KLHL32: variants seen among roughly 807,000 people sequenced by gnomAD.
KLHL32 encodes kelch like family member 32.
A neutral mutation model predicts 64.8 loss-of-function variants in KLHL32; 35 were observed. The ratio of observed to expected loss-of-function variants is 0.54; its 90% CI spans 0.41 to 0.72. The LOEUF is 0.72. Ranked by LOEUF, KLHL32 falls within the 30% of genes least tolerant of loss-of-function variation. The pLI is 0.00. For missense variants in KLHL32, 589 were observed against 768.5 expected (o/e 0.77, Z 2.76); for synonymous variants, 259 against 281.0 (o/e 0.92, Z 0.78).
chr6:97,022,556 G>A (rs189450006), intron 3 of KLHL32, among the ~76,000 whole-genome samples: 5 of 147,766 alleles, frequency 3.4e-5, no homozygotes, highest in African/African-American at 5.2e-5. Context: ...TGCAATCTCC[G>A]TCTCCCAGGT....
the KLHL32 span, among the ~76,000 whole-genome samples, chr6:96,904,277 G>A: frequency 1.3e-5 from 2 of 150,550 alleles, 1 homozygote; most frequent in Admixed American, 1.3e-4. Context: ...AGGAGGCGGA[G>A]GTTGCAGTGA....
intron 5 of KLHL32, among the ~76,000 whole-genome samples, chr6:97,080,332 A>G (rs1421789021): frequency 3.9e-5 from 6 of 152,226 alleles, no homozygotes; most frequent in African/African-American, 1.4e-4. Flanking sequence ...TTGGATAGGC[A>G]TATTGGAAAG....
chr6:97,058,543 G>A (rs1788375163), intron 4 of KLHL32, among the ~76,000 whole-genome samples: 1 of 152,102 alleles, frequency 6.6e-6, no homozygotes, highest in Non-Finnish European at 1.5e-5. Flanking sequence ...TTGGGACTAT[G>A]GTGCATCTAG....
intron 3 of KLHL32, among the ~76,000 whole-genome samples, chr6:97,003,626 T>G (rs1428405209): frequency 6.6e-6 from 1 of 152,180 alleles, no homozygotes; most frequent in South Asian, 2.1e-4. Flanking sequence ...GAGTTTTAGG[T>G]TTTGCATTTA....
intron 9 of KLHL32, among the ~76,000 whole-genome samples, chr6:97,131,293 A>T (rs994774538): frequency 1.3e-5 from 2 of 152,132 alleles, no homozygotes; most frequent in Admixed American, 6.6e-5. Flanking sequence ...TTACAGAAGG[A>T]ATTTATTGTT....
chr6:97,091,152 T>A (rs1794163276), intron 6 of KLHL32, among the ~76,000 whole-genome samples: 1 of 152,176 alleles, frequency 6.6e-6, no homozygotes, highest in South Asian at 2.1e-4. Flanking sequence ...GAGGCTGCAG[T>A]GTGCCGTGAT....
chr6:97,008,045 CCTG>C (rs3032643), intron 3 of KLHL32, among the ~76,000 whole-genome samples: 37,095 of 151,902 alleles, frequency 0.24, 5,815 homozygotes, highest in East Asian at 0.53. Context: ...CAGTGGCATT[CCTG>C]CTGCACCTCC....
intron 8 of KLHL32, 64 bp downstream of exon 8, chr6:97,127,526 T>A: frequency 7.5e-7 from 1 of 1,329,694 alleles, no homozygotes; most frequent in Non-Finnish European, 1.1e-6. Context: ...TCCAGAGTAA[T>A]TAGTAATTGG....
intron 3 of KLHL32, among the ~76,000 whole-genome samples, chr6:96,998,368 A>G (rs760230756): frequency 2.6e-5 from 4 of 152,184 alleles, no homozygotes; most frequent in Non-Finnish European, 5.9e-5. Context: ...TCTGATTAAA[A>G]CAGTTCTCAA....
At chr6:97,122,001 G>C (rs948249143) in intron 7 of KLHL32, among the ~76,000 whole-genome samples, 2 of 152,116 alleles carry the variant, frequency 1.3e-5, no homozygotes, top group African/African-American at 2.4e-5. Context: ...TTGGAGGCAG[G>C]ATTTCAACTT....
In KLHL32 at chr6:96,956,733, A is replaced by T. The variant is rs141010099; in HGVS notation, c.-65-10263A>T. Among the ~76,000 whole-genome samples, 171 of 152,324 alleles carry T rather than the reference A, an allele frequency of 1.1e-3. 1 individual carries two copies. The highest frequency in any genetic ancestry group is 4.0e-3 in the African/African-American group (165 of 41,590). On this transcript the variant is annotated intron_variant, in intron 1 of 10. Transcript: ENST00000369261. ...CCTTTTTCTTCTGGGAAAAAAGCTC[A>T]TTTAATTCTTATAATGTTCGATTGT...
chr6:96,984,693 AC>A (rs528186768), intron 3 of KLHL32, among the ~76,000 whole-genome samples: 1,682 of 148,344 alleles, frequency 0.011, 41 homozygotes, highest in African/African-American at 0.04. Flanking sequence ...TAGGATTGCA[AC>A]CCCTGCCTTT....
intron 3 of KLHL32, among the ~76,000 whole-genome samples, chr6:96,983,391 T>C (rs1401963509): frequency 6.6e-6 from 1 of 152,304 alleles, no homozygotes; most frequent in Admixed American, 6.5e-5. Flanking sequence ...GATGCTGGCC[T>C]CATAAAACGA....
chr6:97,065,628 A>G (rs1466610867), intron 5 of KLHL32, among the ~76,000 whole-genome samples: 1 of 152,232 alleles, frequency 6.6e-6, no homozygotes, highest in African/African-American at 2.4e-5. Flanking sequence ...TTGAAGAAAT[A>G]ATAAATTCAT....
At chr6:96,997,406 T>C (rs766064576) in intron 3 of KLHL32, among the ~76,000 whole-genome samples, 6 of 152,132 alleles carry the variant, frequency 3.9e-5, no homozygotes, top group Non-Finnish European at 5.9e-5. Flanking sequence ...TATGTATGCA[T>C]TGGTTAAGAC....
the KLHL32 span, among the ~76,000 whole-genome samples, chr6:96,908,689 T>A: frequency 7.2e-5 from 11 of 152,280 alleles, no homozygotes; most frequent in Admixed American, 4.6e-4. Flanking sequence ...TTAGACATCA[T>A]CTAGGATAAT....
intron 1 of KLHL32, among the ~76,000 whole-genome samples, chr6:96,953,711 T>G (rs781057463): frequency 2.2e-4 from 34 of 152,160 alleles, no homozygotes; most frequent in Non-Finnish European, 4.3e-4. Context: ...CATCCCTCCA[T>G]TCTCTCAATT....
chr6:97,034,259 G>A (rs1340976454), intron 3 of KLHL32, among the ~76,000 whole-genome samples: 9 of 152,000 alleles, frequency 5.9e-5, no homozygotes, highest in Non-Finnish European at 8.8e-5. Context: ...TTCCTGCACC[G>A]TATATTGAAA....
chr6:97,080,106 G>C (rs1293154481), intron 5 of KLHL32, among the ~76,000 whole-genome samples: 12 of 152,132 alleles, frequency 7.9e-5, no homozygotes, highest in Non-Finnish European at 1.6e-4. Context: ...AGAAATTTGG[G>C]GTGGATTGAT....
Sources: gnomAD v4.1 joint callset for allele counts (sites outside exome capture counted in the v4.1 genomes callset) on GRCh38, gnomAD v4.1.1 for gene constraint, MANE v1.5 for transcripts, NCBI Gene and HGNC (gene_info 2026-07-23, HGNC 2026-07-21) for gene names.